PDE3B: variants seen among roughly 807,000 people sequenced by gnomAD.
PDE3B encodes the protein phosphodiesterase 3B, also known as cGMP-inhibited 3',5'-cyclic phosphodiesterase 3B.
In PDE3B, 66 loss-of-function variants were observed where a neutral mutation model predicts 116.8. The ratio of observed to expected loss-of-function variants is 0.56; its 90% CI spans 0.46 to 0.69. The LOEUF (loss-of-function observed/expected upper bound fraction) is 0.69, where lower values mean the gene tolerates loss of function less well. PDE3B is among the 30% of genes least tolerant of loss of function. The probability of loss-of-function intolerance (pLI) is 0.00; values close to 1 mark genes in which losing one functional copy is unlikely to be tolerated. For synonymous variants in PDE3B, 595 were observed against 533.6 expected (o/e 1.12, Z -1.59); for missense variants, 1,384 against 1,368.1 (o/e 1.01, Z -0.18).
intron 5 of PDE3B, among the ~76,000 whole-genome samples, chr11:14,815,134 CAA>C (rs948666932): frequency 7.0e-6 from 1 of 143,650 alleles, no homozygotes; most frequent in Non-Finnish European, 1.5e-5. Flanking sequence ...GAGACTCCAT[CAA>C]AAAAAAAAGT....
intron 11 of PDE3B, among the ~76,000 whole-genome samples, chr11:14,842,668 A>T (rs10766194): frequency 0.52 from 78,869 of 152,004 alleles, 20,590 homozygotes; most frequent in Admixed American, 0.57. Context: ...ATGAGGAATT[A>T]GAGGGTGTAG....
intron 1 of PDE3B, among the ~76,000 whole-genome samples, chr11:14,755,250 A>G (rs1857153790): frequency 6.6e-6 from 1 of 152,200 alleles, no homozygotes; most frequent in South Asian, 2.1e-4. Flanking sequence ...ACACAAATTT[A>G]TGGCAGATAC....
At chr11:14,845,093 A>T (rs1349077846) in intron 12 of PDE3B, among the ~76,000 whole-genome samples, 1 of 152,028 alleles carries the variant, frequency 6.6e-6, no homozygotes, top group Admixed American at 6.5e-5. Flanking sequence ...ACCCCCTAGT[A>T]GGGGCAGACT....
chr11:14,696,804 T>C (rs1855220183), intron 1 of PDE3B, among the ~76,000 whole-genome samples: 1 of 152,200 alleles, frequency 6.6e-6, no homozygotes, highest in Non-Finnish European at 1.5e-5. Flanking sequence ...CAAAAGTTCC[T>C]AGTTTTCATG....
chr11:14,719,038 GAAAA>G (rs1473896001), intron 1 of PDE3B, among the ~76,000 whole-genome samples: 1 of 112,164 alleles, frequency 8.9e-6, no homozygotes, highest in African/African-American at 3.6e-5. Context: ...GACTAATAAA[GAAAA>G]AAAGAGAGGA....
intron 1 of PDE3B, among the ~76,000 whole-genome samples, chr11:14,753,808 A>T (rs893597424): frequency 2.0e-5 from 3 of 152,178 alleles, no homozygotes; most frequent in Non-Finnish European, 4.4e-5. Context: ...AAACTGAAGC[A>T]CATGCAGGAG....
chr11:14,722,071 A>G (rs894185418), intron 1 of PDE3B, among the ~76,000 whole-genome samples: 2 of 151,350 alleles, frequency 1.3e-5, no homozygotes, highest in Non-Finnish European at 2.9e-5. Context: ...AAAAAACAAA[A>G]CACCGCATGT....
intron 1 of PDE3B, among the ~76,000 whole-genome samples, chr11:14,680,431 A>G (rs1420178666): frequency 1.3e-5 from 2 of 152,142 alleles, no homozygotes; most frequent in African/African-American, 4.8e-5. Flanking sequence ...GACCTTTACA[A>G]ATTAAACTGC....
the PDE3B span, chr11:14,887,186 G>C: frequency 1.3e-5 from 2 of 152,358 alleles, no homozygotes; most frequent in East Asian, 3.9e-4. Flanking sequence ...CATTCCACAA[G>C]GATAGTAAAA....
chr11:14,680,055 G>A (rs1854654276), intron 1 of PDE3B, among the ~76,000 whole-genome samples: 1 of 152,124 alleles, frequency 6.6e-6, no homozygotes, highest in African/African-American at 2.4e-5. Flanking sequence ...GCCTCTGGAG[G>A]GAAAACATGC....
chr11:14,735,958 T>TTGTGTGTGTGTGTGTGTG (rs59099319), intron 1 of PDE3B, among the ~76,000 whole-genome samples: 3 of 143,026 alleles, frequency 2.1e-5, no homozygotes, highest in African/African-American at 5.2e-5. Flanking sequence ...GAATAATAGG[T>TTGTGTGTGTGTGTGTGTG]TGTGTGTGTG....
At chr11:14,885,107 G>A in the PDE3B span, among the ~76,000 whole-genome samples, 1 of 152,064 alleles carries the variant, frequency 6.6e-6, no homozygotes, top group African/African-American at 2.4e-5. Context: ...ATTTTTATTT[G>A]AAATTAAATG....
intron 14 of PDE3B, among the ~76,000 whole-genome samples, chr11:14,865,410 A>G (rs1320597770): frequency 1.3e-5 from 2 of 152,140 alleles, no homozygotes; most frequent in South Asian, 2.1e-4. Context: ...AAAGGTCAAC[A>G]TATCTACTAG....
At chr11:14,752,662 T>C (rs1186970340) in intron 1 of PDE3B, among the ~76,000 whole-genome samples, 1 of 152,128 alleles carries the variant, frequency 6.6e-6, no homozygotes. Context: ...CTAGACTTTT[T>C]CTTTATTTGT....
intron 1 of PDE3B, among the ~76,000 whole-genome samples, chr11:14,673,266 A>G (rs1854427509): frequency 1.3e-5 from 2 of 152,090 alleles, no homozygotes; most frequent in African/African-American, 2.4e-5. Flanking sequence ...TAGCATTAAC[A>G]TGTATTATAA....
intron 12 of PDE3B, among the ~76,000 whole-genome samples, chr11:14,856,810 C>T (rs1555006256): frequency 2.0e-5 from 3 of 150,462 alleles, no homozygotes; most frequent in Non-Finnish European, 4.4e-5. Context: ...GCTGAGATCG[C>T]GCCACTGCAC....
At chr11:14,824,003 C>T (rs1195898890) in intron 7 of PDE3B, among the ~76,000 whole-genome samples, 1 of 152,190 alleles carries the variant, frequency 6.6e-6, no homozygotes, top group African/African-American at 2.4e-5. Flanking sequence ...TTTGGAGAAT[C>T]TGTGGGGACC....
At chr11:14,829,897 C>T (rs1039344989) in intron 7 of PDE3B, among the ~76,000 whole-genome samples, 2 of 152,070 alleles carry the variant, frequency 1.3e-5, no homozygotes, top group Admixed American at 6.6e-5. Flanking sequence ...CAAAATTACC[C>T]ATCATGACCC....
chr11:14,788,589 T>C (rs1226230605), intron 3 of PDE3B, among the ~76,000 whole-genome samples: 1 of 152,000 alleles, frequency 6.6e-6, no homozygotes, highest in Non-Finnish European at 1.5e-5. Context: ...GTTGAGAATA[T>C]TTTTTAAAAT....
Sources: gnomAD v4.1 joint callset for allele counts (sites outside exome capture counted in the v4.1 genomes callset) on GRCh38, gnomAD v4.1.1 for gene constraint, MANE v1.5 for transcripts, NCBI Gene and HGNC (gene_info 2026-07-23, HGNC 2026-07-21) for gene names.